XPR1: variants seen among roughly 807,000 people sequenced by gnomAD.
The protein encoded by XPR1 is solute carrier family 53 member 1.
In XPR1, 28 loss-of-function variants were observed where a neutral mutation model predicts 87.5. The ratio of observed to expected loss-of-function variants is 0.32; its 90% CI spans 0.24 to 0.44. The LOEUF (loss-of-function observed/expected upper bound fraction) is 0.44, where lower values mean the gene tolerates loss of function less well. Ranked by LOEUF, XPR1 falls within the 20% of genes least tolerant of loss-of-function variation. XPR1 has a pLI of 1.00. For missense variants in XPR1, 559 were observed against 862.3 expected (o/e 0.65, Z 4.41); for synonymous variants, 300 against 306.1 (o/e 0.98, Z 0.21).
intron 2 of XPR1, among the ~76,000 whole-genome samples, chr1:180,754,239 C>G (rs369742987): frequency 1.2e-4 from 19 of 152,096 alleles, no homozygotes; most frequent in African/African-American, 4.6e-4. Context: ...CTACTAGGTT[C>G]TTTCTCTGTC....
intron 2 of XPR1, among the ~76,000 whole-genome samples, chr1:180,696,200 GTGTGTGTGTATA>G (rs1657165045): frequency 2.7e-5 from 3 of 110,084 alleles, no homozygotes; most frequent in South Asian, 2.9e-4. Context: ...GTGTGTGTGT[GTGTGTGTGTATA>G]TATATATATA....
intron 6 of XPR1, among the ~76,000 whole-genome samples, chr1:180,808,945 C>T (rs932055660): frequency 6.6e-6 from 1 of 152,170 alleles, no homozygotes; most frequent in African/African-American, 2.4e-5. Flanking sequence ...TTACCCAAGA[C>T]AAGTGCAAAT....
At chr1:180,842,853 CTT>C (rs1651562591) in intron 11 of XPR1, among the ~76,000 whole-genome samples, 1 of 152,178 alleles carries the variant, frequency 6.6e-6, no homozygotes. Flanking sequence ...CTTTGTTACT[CTT>C]TGATTTTGTA....
chr1:180,815,048 T>G (rs903360847), intron 7 of XPR1, among the ~76,000 whole-genome samples: 1 of 152,056 alleles, frequency 6.6e-6, no homozygotes, highest in African/African-American at 2.4e-5. Context: ...AAAACATGTT[T>G]GTAGTTGCAA....
At chr1:180,744,650 CTTTCTTT>C (rs1232521787) in intron 2 of XPR1, among the ~76,000 whole-genome samples, 1 of 56,946 alleles carries the variant, frequency 1.8e-5, no homozygotes, top group African/African-American at 5.8e-5. Context: ...GGCACAATTT[CTTTCTTT>C]TTTTTTTTTT....
intron 14 of XPR1, among the ~76,000 whole-genome samples, chr1:180,880,558 T>C (rs1345321569): frequency 6.6e-6 from 1 of 152,190 alleles, no homozygotes; most frequent in Non-Finnish European, 1.5e-5. Flanking sequence ...AAAAGGTTGT[T>C]GGAGAGTGAT....
intron 11 of XPR1, among the ~76,000 whole-genome samples, chr1:180,844,896 CT>C (rs1651627621): frequency 6.6e-6 from 1 of 152,200 alleles, no homozygotes; most frequent in Non-Finnish European, 1.5e-5. Context: ...GCCATTGCAA[CT>C]GCTAGGCCAA....
chr1:180,840,566 G>GTGTGTGTATA lies in XPR1; in HGVS notation c.1501+3851_1501+3852insGTGTGTATAT, dbSNP rs1258711178. 1.5e-4 allele frequency among the ~76,000 whole-genome samples: 21 copies of GTGTGTGTATA among 136,400 alleles called. No individual in the cohort carries two copies. The East Asian group carries it at 2.4e-3, about 16-fold the overall frequency. The allele number at this position is 136,400 out of a possible 152,430, so 89.5% of individuals were successfully genotyped here. On this transcript the variant is annotated intron_variant, in intron 11 of 14. Coordinates refer to ENST00000367590, the MANE Select transcript of XPR1 (RefSeq NM_004736.4). ...TGTGTGTGTGTGTGTGTGTGTGTGT[G>GTGTGTGTATA]TATATATATATATATATATATATAA... is the stretch of plus-strand genomic sequence containing the variant.
intron 1 of XPR1, among the ~76,000 whole-genome samples, chr1:180,638,800 ATTAC>A: frequency 6.6e-6 from 1 of 152,306 alleles, no homozygotes; most frequent in East Asian, 1.9e-4. Context: ...ATAAATTTGT[ATTAC>A]TTTTGTATAA....
intron 1 of XPR1, among the ~76,000 whole-genome samples, chr1:180,653,181 A>G (rs531571704): frequency 1.3e-5 from 2 of 152,266 alleles, no homozygotes; most frequent in South Asian, 2.1e-4. Flanking sequence ...TATTTGTACA[A>G]TATTCTGATT....
chr1:180,706,371 G>A (rs2101977256), intron 2 of XPR1, among the ~76,000 whole-genome samples: 1 of 152,274 alleles, frequency 6.6e-6, no homozygotes, highest in Admixed American at 6.5e-5. Context: ...TCTTACAGCT[G>A]TGTCATTATC....
intron 12 of XPR1, among the ~76,000 whole-genome samples, chr1:180,865,669 G>A (rs138727650): frequency 3.3e-5 from 5 of 152,112 alleles, no homozygotes; most frequent in African/African-American, 1.2e-4. Context: ...CAAAACATTT[G>A]TTTCTTATTA....
At chr1:180,649,066 G>A (rs183025219) in intron 1 of XPR1, among the ~76,000 whole-genome samples, 63 of 152,150 alleles carry the variant, frequency 4.1e-4, no homozygotes, top group African/African-American at 1.4e-3. Flanking sequence ...ATCCTTGTTT[G>A]TGAAACTAAT....
At chr1:180,666,619 T>C (rs776610622) in intron 1 of XPR1, among the ~76,000 whole-genome samples, 6 of 152,244 alleles carry the variant, frequency 3.9e-5, no homozygotes, top group Admixed American at 1.3e-4. Context: ...TGTTGGTTGT[T>C]AGTGTATAGA....
chr1:180,710,732 G>T (rs1199152940), intron 2 of XPR1, among the ~76,000 whole-genome samples: 1 of 152,228 alleles, frequency 6.6e-6, no homozygotes, highest in East Asian at 1.9e-4. Context: ...CCCAGATGGG[G>T]TGGCGGCTGG....
At chr1:180,749,747 T>C (rs1254489260) in intron 2 of XPR1, among the ~76,000 whole-genome samples, 1 of 151,798 alleles carries the variant, frequency 6.6e-6, no homozygotes, top group Admixed American at 6.6e-5. Context: ...CATTAAATAC[T>C]GCTTTCCCCT....
intron 2 of XPR1, among the ~76,000 whole-genome samples, chr1:180,733,035 G>GT (rs1359799203): frequency 6.6e-6 from 1 of 152,184 alleles, no homozygotes; most frequent in Non-Finnish European, 1.5e-5. Flanking sequence ...GCCCACCGGC[G>GT]TGCCGGTGCA....
chr1:180,749,639 T>TCACACACA (rs139363505), intron 2 of XPR1, among the ~76,000 whole-genome samples: 11,397 of 142,320 alleles, frequency 0.08, 557 homozygotes, highest in Non-Finnish European at 0.092. Context: ...CACATATACA[T>TCACACACA]CACACACACA....
chr1:180,826,167 A>C (rs1650829165), intron 9 of XPR1, among the ~76,000 whole-genome samples: 1 of 152,230 alleles, frequency 6.6e-6, no homozygotes, highest in African/African-American at 2.4e-5. Flanking sequence ...AGTGAAATAA[A>C]ATTTCCTGCA....
Sources: gnomAD v4.1 joint callset for allele counts (sites outside exome capture counted in the v4.1 genomes callset) on GRCh38, gnomAD v4.1.1 for gene constraint, MANE v1.5 for transcripts, NCBI Gene and HGNC (gene_info 2026-07-23, HGNC 2026-07-21) for gene names.